The following RPL28 variants were observed in gnomAD, a reference collection of about 807,000 sequenced individuals.
RPL28 encodes ribosomal protein L28.
In RPL28, 4 loss-of-function variants were observed where a neutral mutation model predicts 12.5. That is an observed-to-expected ratio of 0.32 (90% CI 0.16 to 0.73). The LOEUF is 0.73. Among genes scored for constraint, RPL28 ranks in the 30% least tolerant of loss-of-function variants. The pLI, the probability that RPL28 is intolerant of heterozygous loss-of-function variation, is 0.66. For synonymous variants in RPL28, 91 were observed against 72.5 expected (o/e 1.26, Z -1.30); for missense variants, 214 against 197.7 (o/e 1.08, Z -0.49).
At chr19:55,392,209 C>A, downstream of RPL28, 2 of 652,468 alleles carry the variant, frequency 3.1e-6, no homozygotes, top group Non-Finnish European at 3.8e-6. Context: ...TTTTTGGAAA[C>A]TTCACACATA....
chr19:55,390,488 C>A lies in RPL28; in HGVS notation c.*2156C>A. 1 of 985,476 alleles carries A rather than the reference C, an allele frequency of 1.0e-6. No homozygotes were observed. Among genetic ancestry groups the A allele is most frequent in the Non-Finnish European group, 1.2e-6 (1 of 829,978 alleles). The allele number at this position is 985,476 out of a possible 1,614,324, so 61.0% of individuals were successfully genotyped here. A position where few individuals can be genotyped will look rare whatever the true frequency, so the allele number is the denominator to read the frequency against. ...CCAAAGTGCTGGCATTACAGGCGCT[C>A]GAGGCTTTCTGATGTGGCTGCTGCT... On this transcript the variant is annotated 3_prime_UTR_variant, in exon 5 of 5. Coordinates refer to ENST00000344063, the MANE Select transcript of RPL28 (RefSeq NM_000991.5).
chr19:55,393,581 C>G (rs2090005095), downstream of RPL28, among the ~76,000 whole-genome samples: 1 of 151,954 alleles, frequency 6.6e-6, no homozygotes, highest in Non-Finnish European at 1.5e-5. Flanking sequence ...CATGAAGCAG[C>G]CACTCCCACT....
Position 55,388,257 on chromosome 19 carries a change from GGCCAGCGCCATCCTGCGCA to G in RPL28, c.345_363del (p.Ser115ArgfsTer4). The G allele has an allele frequency of 6.4e-7, 1 of 1,568,876 alleles. No homozygotes were observed. Among genetic ancestry groups the G allele is most frequent in the East Asian group, 2.4e-5 (1 of 42,228 alleles). On this transcript the variant is annotated frameshift_variant, in exon 5 of 5. Coordinates refer to ENST00000344063, the MANE Select transcript of RPL28 (RefSeq NM_000991.5). LOFTEE classifies it high-confidence loss of function. ...CCCGCCCCCAGGCAGCCATCCGCAG[GGCCAGCGCCATCCTGCGCA>G]GCCAGAAGCCTGTGATGGTGAAGAG...
At chr19:55,392,692 A>C (rs150303753), downstream of RPL28, among the ~76,000 whole-genome samples, 629 of 151,996 alleles carry the variant, frequency 4.1e-3, 3 homozygotes, top group Middle Eastern at 0.024. Context: ...ACGCCCGGCT[A>C]AATGTTTTTT....
At chr19:55,393,973 A>G (rs1051219666), downstream of RPL28, among the ~76,000 whole-genome samples, 1 of 148,324 alleles carries the variant, frequency 6.7e-6, no homozygotes, top group African/African-American at 2.5e-5. Flanking sequence ...TTAAAGGGAC[A>G]GGGTCTCAGC....
Position 55,386,631 on chromosome 19 carries a change from C to T in RPL28, c.143C>T (p.Thr48Ile), listed in dbSNP as rs1338566785. The change falls in exon 3 of 5, where the codon ACT becomes ATT. Residue 48 changes from threonine (T) to isoleucine (I), a missense_variant. Thr to Ile is a moderately conservative substitution (Grantham distance 89). Coordinates refer to ENST00000344063, the MANE Select transcript of RPL28 (RefSeq NM_000991.5). ...FRYNGLIHRKTVGVEPAADGK... is the reference protein window; with the variant it reads ...FRYNGLIHRKIVGVEPAADGK... ...TACAACGGACTGATTCACCGCAAGA[C>T]TGTGGGCGTGGAGCCGGCAGCCGAC... 3 of 1,614,124 alleles carry T rather than the reference C, an allele frequency of 1.9e-6. No homozygotes were observed. The highest frequency in any genetic ancestry group is 2.2e-5 in the East Asian group (1 of 44,880).
chr19:55,395,173 G>A (rs1440497208), downstream of RPL28, among the ~76,000 whole-genome samples: 12 of 151,392 alleles, frequency 7.9e-5, no homozygotes, highest in Non-Finnish European at 1.6e-4. Flanking sequence ...TTTCACTCTT[G>A]TCGCCCAGGC....
chr19:55,395,060 A>G (rs73619606), downstream of RPL28, among the ~76,000 whole-genome samples: 4,927 of 152,256 alleles, frequency 0.032, 282 homozygotes, highest in African/African-American at 0.11. Context: ...ATATGCAAAC[A>G]TTTGTCTCAA....
chr19:55,395,052 A>G (rs1187803867), downstream of RPL28, among the ~76,000 whole-genome samples: 1 of 152,232 alleles, frequency 6.6e-6, no homozygotes, highest in East Asian at 1.9e-4. Flanking sequence ...TAGTCACAAT[A>G]TGCAAACATT....
downstream of RPL28, among the ~76,000 whole-genome samples, chr19:55,393,249 C>G (rs895609742): frequency 4.5e-4 from 8 of 17,702 alleles, no homozygotes; most frequent in East Asian, 0.01. Flanking sequence ...GACGCACCCC[C>G]CCCCCCCCCC....
In RPL28 at chr19:55,386,453, G is replaced by A. The variant is rs553443157; in HGVS notation, c.81+15G>A. 8 of 1,613,440 alleles carry A rather than the reference G, an allele frequency of 5.0e-6. No homozygotes were observed. The African/African-American group carries it at 1.1e-4, about 21-fold the overall frequency. ...CCTACAGCACTGTAAGTGGGGCCCG[G>A]ATGCGTGGCTCCTGCGGGAGGAGGG... On this transcript the variant is annotated intron_variant, in intron 2 of 4. Transcript: ENST00000344063.
intron 3 of RPL28, 70 bp from the exon 4 acceptor site, chr19:55,387,860 A>G: frequency 6.7e-7 from 1 of 1,501,724 alleles, no homozygotes; most frequent in Non-Finnish European, 8.9e-7. Flanking sequence ...GAGACTGTCC[A>G]CACCTGCGAG....
Position 55,388,009 on chromosome 19 carries a change from C to T in RPL28, c.285C>T (p.His95=), listed in dbSNP as rs1457968246. 6.2e-7 allele frequency: 1 copy of T among 1,613,618 alleles called. No homozygotes were observed. Among genetic ancestry groups the T allele is most frequent in the Non-Finnish European group, 8.5e-7 (1 of 1,179,810 alleles). The change falls in exon 4 of 5, where the codon CAC becomes CAT. Residue 95 remains histidine, a synonymous_variant. Transcript: ENST00000344063. ...NARATLSSIR[H]MIRKNKYRPD... ...GCGCCACGCTCAGCAGCATCAGACACATGATCCGCAAGAACAAGTACCGCC... is the reference window on the plus strand; with the variant it reads ...GCGCCACGCTCAGCAGCATCAGACATATGATCCGCAAGAACAAGTACCGCC...
intron 1 of RPL28, 37 bp from the exon 2 acceptor site, chr19:55,386,313 T>C: frequency 1.3e-6 from 2 of 1,598,382 alleles, no homozygotes; most frequent in East Asian, 2.2e-5. Context: ...TTTAGTTCTC[T>C]GTGTCTGACG....
chr19:55,403,065 G>GCTGCCCAAATC lies in RPL28; in HGVS notation c.451_452insCCAAATCCTGC (p.Gln151ProfsTer16). 7.4e-7 allele frequency: 1 copy of GCTGCCCAAATC among 1,353,382 alleles called. No individual in the cohort carries two copies. Among genetic ancestry groups the GCTGCCCAAATC allele is most frequent in the Non-Finnish European group, 1.0e-6 (1 of 979,714 alleles). The allele number at this position is 1,353,382 out of a possible 1,614,324, so 83.8% of individuals were successfully genotyped here. A position where few individuals can be genotyped will look rare whatever the true frequency, so the allele number is the denominator to read the frequency against. On this transcript the variant is annotated frameshift_variant, in exon 5 of 5. Coordinates refer to the RPL28 transcript ENST00000560055. LOFTEE classifies it low-confidence loss of function (END_TRUNC). Reference sequence around the variant, plus strand: ...TCTGTGTCATGGAGCCATCTCGTACGCTGCAGGATTTGGGCAGCACCCTTG... The same window carrying GCTGCCCAAATC: ...TCTGTGTCATGGAGCCATCTCGTACGCTGCCCAAATCCTGCAGGATTTGGGCAGCACCCTTG...
rs750371571 is a variant in RPL28 at position 55,390,916 on chromosome 19, C to T, written c.*2584C>T. On this transcript the variant is annotated 3_prime_UTR_variant, in exon 5 of 5. Coordinates refer to ENST00000344063, the MANE Select transcript of RPL28 (RefSeq NM_000991.5). ...AGATGTTGGATGGGGCCATCTATTC[C>T]AGCTTTATTCACACAAATCATGTCT... 1.9e-5 allele frequency: 19 copies of T among 985,312 alleles called. No individual in the cohort carries two copies. Among genetic ancestry groups the T allele is most frequent in the Non-Finnish European group, 2.3e-5 (19 of 829,960 alleles). The allele number at this position is 985,312 out of a possible 1,614,324, so 61.0% of individuals were successfully genotyped here.
rs369855760 is a variant in RPL28 at position 55,386,458 on chromosome 19, G to A, written c.81+20G>A. 2 of 1,612,912 alleles carry A rather than the reference G, an allele frequency of 1.2e-6. No homozygotes were observed. The highest frequency in any genetic ancestry group is 2.2e-5 in the South Asian group (2 of 91,062). On this transcript the variant is annotated intron_variant, in intron 2 of 4. Coordinates refer to ENST00000344063, the MANE Select transcript of RPL28 (RefSeq NM_000991.5). ...AGCACTGTAAGTGGGGCCCGGATGCGTGGCTCCTGCGGGAGGAGGGTCCTG... is the reference window on the plus strand; with the variant it reads ...AGCACTGTAAGTGGGGCCCGGATGCATGGCTCCTGCGGGAGGAGGGTCCTG...
downstream of RPL28, among the ~76,000 whole-genome samples, chr19:55,395,926 C>T (rs10403564): frequency 0.031 from 4,733 of 152,214 alleles, 263 homozygotes; most frequent in African/African-American, 0.11. Context: ...CCCCCGGCTT[C>T]CTTACATGAC....
chr19:55,403,261 T>C, downstream of RPL28: 1 of 576,532 alleles, frequency 1.7e-6, no homozygotes, highest in East Asian at 2.8e-5. Context: ...TGGAACTGAG[T>C]TTTACGGCAT....
Sources: allele counts gnomAD v4.1 joint callset (sites outside exome capture counted in the v4.1 genomes callset), GRCh38; gene constraint gnomAD v4.1.1; transcripts MANE v1.5; gene names NCBI Gene and HGNC (gene_info 2026-07-23, HGNC 2026-07-21).